Variants in ZNF264 observed in about 807,000 individuals in gnomAD.
ZNF264 encodes the protein zinc finger protein 264.
A neutral mutation model predicts 11.2 loss-of-function variants in ZNF264; 11 were observed. That is an observed-to-expected ratio of 0.98 (90% CI 0.62 to 1.63). ZNF264 has a LOEUF of 1.63. Ranked by LOEUF, ZNF264 falls within the 40% of genes most tolerant of loss-of-function variation. The pLI, the probability that ZNF264 is intolerant of heterozygous loss-of-function variation, is 0.00. For missense variants in ZNF264, 752 were observed against 768.1 expected, an observed-to-expected ratio of 0.98 and a Z score of 0.25; for synonymous variants, 309 against 279.8, an observed-to-expected ratio of 1.10 and a Z score of -1.04.
At position 57,211,588 on chromosome 19, in the gene ZNF264, C is replaced by T; in HGVS notation, c.491C>T (p.Ala164Val). 1 of 1,614,004 alleles carries T rather than the reference C, an allele frequency of 6.2e-7. No homozygotes were observed. Among genetic ancestry groups the T allele is most frequent in the Non-Finnish European group, 8.5e-7 (1 of 1,179,938 alleles). The change falls in exon 4 of 4, where the codon GCT becomes GTT. Residue 164 changes from alanine to valine, a missense_variant. Transcript: ENST00000263095. ...CCTGAATGTGATGGTTTAGGGACAG[C>T]TGATGGTGTGTGTTCAAGGATTGGA... ...MSPECDGLGT[A>V]DGVCSRIGQE...
Position 57,212,890 on chromosome 19 carries a change from C to A in ZNF264, c.1793C>A (p.Thr598Asn). ...LLLGKDFLNVTTEANILPEET... is the reference protein window; with the variant it reads ...LLLGKDFLNVNTEANILPEET... ...TTAGGGAAGGACTTTTTGAATGTAA[C>A]CACTGAGGCAAATATTTTGCCAGAG... Residue 598 changes from threonine (T) to asparagine (N), a missense_variant, in exon 4 of 4, where the codon ACC becomes AAC. Coordinates refer to ENST00000263095, the MANE Select transcript of ZNF264 (RefSeq NM_003417.5). 6.2e-7 allele frequency: 1 copy of A among 1,614,186 alleles called. No homozygotes were observed. Among genetic ancestry groups the A allele is most frequent in the Non-Finnish European group, 8.5e-7 (1 of 1,180,034 alleles).
At position 57,197,043 on chromosome 19, in the gene ZNF264, T is replaced by C. The variant is rs193137574; in HGVS notation, c.160+3042T>C. Among the ~76,000 whole-genome samples, 607 of 152,054 alleles carry C rather than the reference T, an allele frequency of 4.0e-3. 8 individuals are homozygous for C. The highest frequency in any genetic ancestry group is 2.7e-3 in the Non-Finnish European group (184 of 68,040). ...CAGCTATCCACTTTCAGGTGGTTCC[T>C]GCATATCATACAGAACCATCTGTGA... On this transcript the variant is annotated intron_variant, in intron 2 of 3. Transcript: ENST00000263095.
In ZNF264 at chr19:57,195,223, A is replaced by G. The variant is rs147162589; in HGVS notation, c.160+1222A>G. ...ATGCAACCGAAACACACTAATCCCCAACCCAAGTGCTATTACATAAAGGTA... is the reference window on the plus strand; with the variant it reads ...ATGCAACCGAAACACACTAATCCCCGACCCAAGTGCTATTACATAAAGGTA... On this transcript the variant is annotated intron_variant, in intron 2 of 3. Coordinates refer to ENST00000263095, the MANE Select transcript of ZNF264 (RefSeq NM_003417.5). Among the ~76,000 whole-genome samples the G allele has an allele frequency of 2.1e-4, 32 of 152,348 alleles. No homozygotes were observed. The East Asian group carries it at 6.0e-3, about 28-fold the overall frequency.
At position 57,215,664 on chromosome 19, in the gene ZNF264, A is replaced by G. The variant is rs2087375276; in HGVS notation, c.*2683A>G. The G allele has an allele frequency of 1.3e-5, 2 of 152,184 alleles. No individual in the cohort carries two copies. The highest frequency in any genetic ancestry group is 1.5e-5 in the Non-Finnish European group (1 of 68,030). 9.4% of individuals were successfully genotyped at this position (152,184 alleles called of 1,614,324 possible). On this transcript the variant is annotated 3_prime_UTR_variant, in exon 4 of 4. Coordinates refer to ENST00000263095, the MANE Select transcript of ZNF264 (RefSeq NM_003417.5). ...TTTTTTAATGTAAGCATTACATTGT[A>G]TAAATTTACCTCATATCACTATTGG...
At chr19:57,199,843 C>T (rs2108531) in intron 2 of ZNF264, among the ~76,000 whole-genome samples, 7,557 of 151,728 alleles carry the variant, frequency 0.05, 806 homozygotes, top group African/African-American at 0.17. Flanking sequence ...TGGCAACTGC[C>T]TCAGGGGAGG....
chr19:57,219,658 C>G lies in ZNF264; in HGVS notation c.*6677C>G, dbSNP rs2087403365. ...CTCCAGAGGGTCTGTGTCTTCCTTC[C>G]AACTCTTAAACATTTTTGTTTCCCA... On this transcript the variant is annotated 3_prime_UTR_variant, in exon 4 of 4. Coordinates refer to ENST00000263095, the MANE Select transcript of ZNF264 (RefSeq NM_003417.5). 6.6e-6 allele frequency: 1 copy of G among 152,194 alleles called. No homozygotes were observed. Among genetic ancestry groups the G allele is most frequent in the South Asian group, 2.1e-4 (1 of 4,830 alleles). The allele number at this position is 152,194 out of a possible 1,614,324, so 9.4% of individuals were successfully genotyped here. A position where few individuals can be genotyped will look rare whatever the true frequency, so the allele number is the denominator to read the frequency against.
chr19:57,209,126 T>G (rs1419917289), intron 3 of ZNF264, among the ~76,000 whole-genome samples: 1 of 152,174 alleles, frequency 6.6e-6, no homozygotes, highest in Non-Finnish European at 1.5e-5. Flanking sequence ...TTTTGTTCTC[T>G]TACTCTCTTT....
At chr19:57,198,349 C>T (rs982852928) in intron 2 of ZNF264, among the ~76,000 whole-genome samples, 4 of 151,926 alleles carry the variant, frequency 2.6e-5, no homozygotes, top group Non-Finnish European at 5.9e-5. Flanking sequence ...GGAATCACCA[C>T]CCCTGCATCA....
chr19:57,194,146 C>A, intron 2 of ZNF264, 145 bp downstream of exon 2: 1 of 1,155,358 alleles, frequency 8.7e-7, no homozygotes, highest in Non-Finnish European at 1.2e-6. Flanking sequence ...CCACAGTAAC[C>A]TCTTCCTATC....
chr19:57,194,674 C>G (rs1022024830), intron 2 of ZNF264: 3 of 393,316 alleles, frequency 7.6e-6, no homozygotes, highest in Non-Finnish European at 1.3e-5. Flanking sequence ...TATATGCTGG[C>G]CTCGCTGGCA....
intron 2 of ZNF264, among the ~76,000 whole-genome samples, chr19:57,198,354 G>C (rs2087227424): frequency 6.6e-6 from 1 of 151,918 alleles, no homozygotes. Context: ...CACCACCCCT[G>C]CATCATTCAA....
At chr19:57,194,829 C>T in intron 2 of ZNF264, 2 of 400,160 alleles carry the variant, frequency 5.0e-6, no homozygotes. Flanking sequence ...CAAGTTGACA[C>T]ATTAATAAAA....
intron 3 of ZNF264, among the ~76,000 whole-genome samples, chr19:57,209,772 A>T (rs942988533): frequency 2.6e-5 from 4 of 151,926 alleles, no homozygotes; most frequent in Non-Finnish European, 4.4e-5. Context: ...TTTTTAAAAA[A>T]TTTTTTTTAG....
In ZNF264 at chr19:57,216,116, CA is replaced by C; in HGVS notation, c.*3136del. 6.6e-6 allele frequency: 1 copy of C among 152,302 alleles called. No homozygotes were observed. Among genetic ancestry groups the C allele is most frequent in the East Asian group, 1.9e-4 (1 of 5,174 alleles). 9.4% of individuals were successfully genotyped at this position (152,302 alleles called of 1,614,324 possible). ...GCCTGTAATCCTAGCACTTTGAGAC[CA>C]CTAAGGCAGGTGGATCACCTGAGGC... On this transcript the variant is annotated 3_prime_UTR_variant, in exon 4 of 4. Coordinates refer to ENST00000263095, the MANE Select transcript of ZNF264 (RefSeq NM_003417.5).
Position 57,199,308 on chromosome 19 carries a change from A to G in ZNF264, c.160+5307A>G, listed in dbSNP as rs983850707. On this transcript the variant is annotated intron_variant, in intron 2 of 3. Coordinates refer to ENST00000263095, the MANE Select transcript of ZNF264 (RefSeq NM_003417.5). ...ATGCAGGTGCTGCCCTCGCAAATCT[A>G]TTTTGCAAGCCATTGGTTAAGGTTA... Among the ~76,000 whole-genome samples, 16 of 151,960 alleles carry G rather than the reference A, an allele frequency of 1.1e-4. 1 individual carries two copies. The highest frequency in any genetic ancestry group is 3.9e-4 in the African/African-American group (16 of 41,272).
chr19:57,204,232 A>C (rs2087275058), intron 2 of ZNF264, among the ~76,000 whole-genome samples: 1 of 152,014 alleles, frequency 6.6e-6, no homozygotes, highest in South Asian at 2.1e-4. Flanking sequence ...AAAAAAAAAA[A>C]AAACTGTGTG....
chr19:57,197,804 C>T (rs77124048), intron 2 of ZNF264, among the ~76,000 whole-genome samples: 11,672 of 152,024 alleles, frequency 0.077, 612 homozygotes, highest in Admixed American at 0.1. Flanking sequence ...TGACAGGCCA[C>T]ACACCACTGG....
At chr19:57,199,152 C>A (rs562044614) in intron 2 of ZNF264, among the ~76,000 whole-genome samples, 2 of 152,014 alleles carry the variant, frequency 1.3e-5, no homozygotes, top group African/African-American at 4.8e-5. Context: ...CCTACCTTGC[C>A]TTTGATGGTT....
At chr19:57,207,312 T>C (rs1319698855) in intron 3 of ZNF264, among the ~76,000 whole-genome samples, 1 of 152,154 alleles carries the variant, frequency 6.6e-6, no homozygotes. Context: ...TAGCAGGCTT[T>C]CAGGTTGAAA....
Sources: gnomAD v4.1 joint callset for allele counts (sites outside exome capture counted in the v4.1 genomes callset) on GRCh38, gnomAD v4.1.1 for gene constraint, MANE v1.5 for transcripts, NCBI Gene and HGNC (gene_info 2026-07-23, HGNC 2026-07-21) for gene names.